Variants in FDX1 observed in about 807,000 individuals in gnomAD.
The protein encoded by FDX1 is adrenodoxin, mitochondrial.
A neutral mutation model predicts 14.9 loss-of-function variants in FDX1; 9 were observed. The ratio of observed to expected loss-of-function variants is 0.60; its 90% CI spans 0.36 to 1.05. The LOEUF is 1.05. Among genes scored for constraint, FDX1 ranks in the 50% least tolerant of loss-of-function variants. The pLI, the probability that FDX1 is intolerant of heterozygous loss-of-function variation, is 0.01. For missense variants in FDX1, 204 were observed against 237.2 expected (o/e 0.86, Z 0.92); for synonymous variants, 92 against 99.4 (o/e 0.93, Z 0.44).
At chr11:110,440,150 G>A (rs1207999493) in intron 2 of FDX1, among the ~76,000 whole-genome samples, 1 of 150,120 alleles carries the variant, frequency 6.7e-6, no homozygotes, top group East Asian at 2.0e-4. Flanking sequence ...ATTCTTATTT[G>A]GATCATCTCT....
At chr11:110,456,509 C>CTTTTTTTTT (rs11463993) in intron 2 of FDX1, among the ~76,000 whole-genome samples, 7 of 83,810 alleles carry the variant, frequency 8.4e-5, no homozygotes, top group East Asian at 3.9e-4. Flanking sequence ...TTTATGTATT[C>CTTTTTTTTT]TTTTTTTTTT....
chr11:110,450,229 C>G (rs1231846106), intron 2 of FDX1, among the ~76,000 whole-genome samples: 1 of 152,020 alleles, frequency 6.6e-6, no homozygotes, highest in African/African-American at 2.4e-5. Context: ...TACAACTCAT[C>G]ATAAGGTAGA....
Position 110,458,280 on chromosome 11 carries a change from A to T in FDX1, c.440+1233A>T, listed in dbSNP as rs145620457. 4.6e-4 allele frequency among the ~76,000 whole-genome samples: 70 copies of T among 152,326 alleles called. 2 individuals are homozygous for T. In the Middle Eastern group the frequency reaches 0.017, roughly 37 times the overall value. ...TAAATGTAAGCTAGCAAGAGTATTGATGATAAAATTTCCAAGTTTTACAGC... is the reference window on the plus strand; with the variant it reads ...TAAATGTAAGCTAGCAAGAGTATTGTTGATAAAATTTCCAAGTTTTACAGC... On this transcript the variant is annotated intron_variant, in intron 3 of 3. Coordinates refer to ENST00000260270, the MANE Select transcript of FDX1 (RefSeq NM_004109.5).
Position 110,435,953 on chromosome 11 carries a change from G to A in FDX1, c.305G>A (p.Gly102Asp). 4 of 1,609,002 alleles carry A rather than the reference G, an allele frequency of 2.5e-6. No homozygotes were observed. The highest frequency in any genetic ancestry group is 3.4e-6 in the Non-Finnish European group (4 of 1,178,372). Residue 102 changes from glycine (G) to aspartate (D), a missense_variant, in exon 2 of 4, where the codon GGC (glycine) becomes GAC (aspartate). By Grantham distance (94) the Gly-to-Asp change is moderately conservative (BLOSUM62 -1). Coordinates refer to ENST00000260270, the MANE Select transcript of FDX1 (RefSeq NM_004109.5). ...VVVENNLDID[G>D]FGACEGTLAC... Reference sequence around the variant, plus strand: ...GTTGAAAATAATCTAGATATTGATGGCTTTGGTGAGTATGAAACATTTCTT... The same window carrying A: ...GTTGAAAATAATCTAGATATTGATGACTTTGGTGAGTATGAAACATTTCTT...
Position 110,436,076 on chromosome 11 carries a change from A to G in FDX1, c.310+118A>G, listed in dbSNP as rs528785756. 4 of 812,746 alleles carry G rather than the reference A, an allele frequency of 4.9e-6. No individual in the cohort carries two copies. The African/African-American group carries it at 6.9e-5, about 14-fold the overall frequency. 50.3% of individuals were successfully genotyped at this position (812,746 alleles called of 1,614,324 possible). On this transcript the variant is annotated intron_variant, in intron 2 of 3. Coordinates refer to ENST00000260270, the MANE Select transcript of FDX1 (RefSeq NM_004109.5). ...ATAGCATGCTATGTAAAATATTAAC[A>G]TTCAGGATGTGTTAGTGTTATATTC...
intron 2 of FDX1, among the ~76,000 whole-genome samples, chr11:110,436,812 T>G (rs1252209389): frequency 1.3e-5 from 2 of 152,114 alleles, no homozygotes; most frequent in Non-Finnish European, 1.5e-5. Context: ...TCTTCTGTTT[T>G]CCCATGATAT....
At chr11:110,447,886 T>C (rs185448201) in intron 2 of FDX1, among the ~76,000 whole-genome samples, 27 of 152,360 alleles carry the variant, frequency 1.8e-4, no homozygotes, top group Non-Finnish European at 3.8e-4. Flanking sequence ...ATGTATTTCT[T>C]GTGTATCTTT....
intron 2 of FDX1, among the ~76,000 whole-genome samples, chr11:110,448,730 T>C (rs561798346): frequency 6.6e-6 from 1 of 152,370 alleles, no homozygotes; most frequent in African/African-American, 2.4e-5. Context: ...CTTCATGTCA[T>C]TTTATATGCA....
At chr11:110,452,522 A>G (rs1380879574) in intron 2 of FDX1, among the ~76,000 whole-genome samples, 5 of 152,154 alleles carry the variant, frequency 3.3e-5, no homozygotes, top group Non-Finnish European at 7.3e-5. Context: ...GTATGTGTGA[A>G]TGAGTTTGTG....
At chr11:110,452,478 A>T (rs1591253025) in intron 2 of FDX1, among the ~76,000 whole-genome samples, 1 of 152,210 alleles carries the variant, frequency 6.6e-6, no homozygotes, top group East Asian at 1.9e-4. Context: ...AAATAAGCTC[A>T]TAAAAAGATT....
intron 2 of FDX1, among the ~76,000 whole-genome samples, chr11:110,439,029 T>C (rs1226058791): frequency 2.0e-5 from 3 of 151,894 alleles, no homozygotes; most frequent in Non-Finnish European, 4.4e-5. Context: ...CCTCAGCCTC[T>C]TGAGTAGCTG....
intron 2 of FDX1, among the ~76,000 whole-genome samples, chr11:110,451,955 G>A (rs1437531713): frequency 6.6e-6 from 1 of 152,182 alleles, no homozygotes; most frequent in Non-Finnish European, 1.5e-5. Context: ...TTTGACAAAG[G>A]TGCAAAGCAA....
At chr11:110,457,498 A>G (rs1338672762) in intron 3 of FDX1, among the ~76,000 whole-genome samples, 1 of 152,162 alleles carries the variant, frequency 6.6e-6, no homozygotes, top group East Asian at 1.9e-4. Context: ...CCTTAAAGTA[A>G]TCAGAGCTTA....
At chr11:110,436,465 T>G (rs1436108855) in intron 2 of FDX1, among the ~76,000 whole-genome samples, 1 of 152,204 alleles carries the variant, frequency 6.6e-6, no homozygotes, top group Non-Finnish European at 1.5e-5. Flanking sequence ...GTATATGACC[T>G]GTCAGTTTTG....
intron 2 of FDX1, among the ~76,000 whole-genome samples, chr11:110,456,403 G>A (rs566446418): frequency 7.1e-4 from 108 of 152,044 alleles, no homozygotes; most frequent in African/African-American, 2.6e-3. Flanking sequence ...ATAATATAAC[G>A]TGAGGGATTT....
intron 2 of FDX1, among the ~76,000 whole-genome samples, chr11:110,442,471 G>A (rs1395877483): frequency 2.0e-5 from 3 of 152,238 alleles, no homozygotes; most frequent in Non-Finnish European, 4.4e-5. Flanking sequence ...TGACCTGGAT[G>A]TGAGACATGT....
intron 1 of FDX1, among the ~76,000 whole-genome samples, chr11:110,435,360 T>G (rs904624818): frequency 2.0e-4 from 30 of 152,252 alleles, no homozygotes; most frequent in Admixed American, 1.3e-4. Context: ...TGTATGAGAG[T>G]AAAATAGAGT....
intron 1 of FDX1, among the ~76,000 whole-genome samples, chr11:110,434,161 A>G (rs1048599626): frequency 4.6e-5 from 7 of 152,308 alleles, no homozygotes; most frequent in African/African-American, 1.7e-4. Context: ...TTAAAAAAAC[A>G]TGTAAGGAGG....
Position 110,457,046 on chromosome 11 carries a change from A to G in FDX1, c.439A>G (p.Arg147Gly). The stretch of plus-strand genomic sequence containing the variant: ...CGATCTGGCATATGGACTAACAGAC[A>G]GGTAAGATTTTTGGACTGCTTCAAT... Reference protein sequence around the residue: ...MLDLAYGLTDRSRLGCQICLT... With the variant: ...MLDLAYGLTDGSRLGCQICLT... The change falls in exon 3 of 4, where the codon AGA becomes GGA. Residue 147 changes from arginine to glycine, a missense_variant and splice_region_variant. Physicochemically the swap from Arg to Gly is moderately radical, Grantham distance 125. Transcript: ENST00000260270. 1 of 1,608,928 alleles carries G rather than the reference A, an allele frequency of 6.2e-7. No homozygotes were observed.
Sources: gnomAD v4.1 joint callset for allele counts (sites outside exome capture counted in the v4.1 genomes callset) on GRCh38, gnomAD v4.1.1 for gene constraint, MANE v1.5 for transcripts, NCBI Gene and HGNC (gene_info 2026-07-23, HGNC 2026-07-21) for gene names.